Variants in NLGN1 observed in about 807,000 individuals in gnomAD.
The protein encoded by NLGN1 is neuroligin 1, also known as neuroligin-1.
In NLGN1, 12 loss-of-function variants were observed where a neutral mutation model predicts 65.5. That is an observed-to-expected ratio of 0.18 (90% CI 0.12 to 0.30). The LOEUF (loss-of-function observed/expected upper bound fraction) is 0.30, where lower values mean the gene tolerates loss of function less well. NLGN1 is among the 10% of genes least tolerant of loss of function. NLGN1 has a pLI of 1.00. For missense variants in NLGN1, 750 were observed against 1,007.1 expected (o/e 0.74, Z 3.46); for synonymous variants, 350 against 359.5 (o/e 0.97, Z 0.30).
At chr3:173,479,416 G>A (rs1726854422) in intron 2 of NLGN1, among the ~76,000 whole-genome samples, 1 of 152,190 alleles carries the variant, frequency 6.6e-6, no homozygotes, top group Admixed American at 6.5e-5. Context: ...GTCAGGAATA[G>A]AACTGGTTCC....
At chr3:173,561,008 A>G (rs1380951748) in intron 2 of NLGN1, among the ~76,000 whole-genome samples, 2 of 152,226 alleles carry the variant, frequency 1.3e-5, no homozygotes, top group Non-Finnish European at 2.9e-5. Flanking sequence ...CTATCATCAT[A>G]CAGCGGGGTT....
Position 173,667,047 on chromosome 3 carries a change from A to G in NLGN1, c.493+61956A>G, listed in dbSNP as rs1206640499. On this transcript the variant is annotated intron_variant, in intron 3 of 6. Coordinates refer to ENST00000457714, the Ensembl canonical transcript of NLGN1. ...CATAATCACATTGTACTTTACATATATTTCATTCTGCTTTTTAACATGATA... is the reference window on the plus strand; with the variant it reads ...CATAATCACATTGTACTTTACATATGTTTCATTCTGCTTTTTAACATGATA... 2.0e-5 allele frequency among the ~76,000 whole-genome samples: 3 copies of G among 152,200 alleles called. No individual in the cohort carries two copies. In the East Asian group the frequency reaches 5.8e-4, roughly 29 times the overall value.
In NLGN1 at chr3:173,653,317, T is replaced by G. The variant is rs573763215; in HGVS notation, c.493+48226T>G. 2.6e-5 allele frequency among the ~76,000 whole-genome samples: 4 copies of G among 152,360 alleles called. No individual in the cohort carries two copies. In the South Asian group the frequency reaches 8.3e-4, roughly 32 times the overall value. On this transcript the variant is annotated intron_variant, in intron 3 of 6. Transcript: ENST00000457714. ...TGTAATTGTAAAATCCTTGTCTTGT[T>G]CTAGTTTTAAAAGGAATGCTTTCAA... is the stretch of plus-strand genomic sequence containing the variant.
At chr3:173,459,920 C>T (rs1170938300) in intron 2 of NLGN1, among the ~76,000 whole-genome samples, 1 of 151,750 alleles carries the variant, frequency 6.6e-6, no homozygotes, top group East Asian at 1.9e-4. Context: ...AATTTTTGAG[C>T]TTTTATTTAA....
At chr3:174,232,063 C>A (rs185866948) in intron 4 of NLGN1, among the ~76,000 whole-genome samples, 1 of 152,176 alleles carries the variant, frequency 6.6e-6, no homozygotes, top group East Asian at 1.9e-4. Flanking sequence ...ACCAAACAGG[C>A]TTTGTGTGAG....
intron 4 of NLGN1, among the ~76,000 whole-genome samples, chr3:173,907,318 G>A (rs1019268149): frequency 3.9e-5 from 6 of 152,100 alleles, no homozygotes; most frequent in African/African-American, 1.2e-4. Flanking sequence ...TCCTCTTACC[G>A]TGAGGCATCA....
chr3:173,978,629 A>C (rs571090962), intron 4 of NLGN1, among the ~76,000 whole-genome samples: 11 of 152,058 alleles, frequency 7.2e-5, no homozygotes, highest in African/African-American at 2.6e-4. Context: ...AAAGAATGTG[A>C]TGTCATTAAA....
intron 4 of NLGN1, among the ~76,000 whole-genome samples, chr3:174,027,880 G>A (rs753547779): frequency 1.5e-4 from 23 of 152,126 alleles, no homozygotes; most frequent in Non-Finnish European, 2.9e-4. Flanking sequence ...ACCTTGAATT[G>A]TGATAATCTC....
chr3:173,499,973 G>A, intron 2 of NLGN1, among the ~76,000 whole-genome samples: 1 of 151,916 alleles, frequency 6.6e-6, no homozygotes, highest in East Asian at 1.9e-4. Flanking sequence ...GGGTTTTCTA[G>A]ATATACAATC....
intron 4 of NLGN1, among the ~76,000 whole-genome samples, chr3:174,081,598 T>G (rs944037696): frequency 6.6e-5 from 2 of 30,506 alleles, no homozygotes; most frequent in Non-Finnish European, 9.5e-5. Context: ...GATTAGGTTG[T>G]TTTTTTTTTT....
chr3:174,255,561 T>C (rs907116045), intron 4 of NLGN1, among the ~76,000 whole-genome samples: 13 of 151,832 alleles, frequency 8.6e-5, no homozygotes, highest in Non-Finnish European at 1.5e-4. Flanking sequence ...CTAGAATATT[T>C]TGATCAATTT....
At chr3:173,515,564 A>G (rs6779841) in intron 2 of NLGN1, among the ~76,000 whole-genome samples, 17,019 of 151,980 alleles carry the variant, frequency 0.11, 1,936 homozygotes, top group African/African-American at 0.3. Context: ...TCATTGCTAA[A>G]ACCAACGTCA....
chr3:173,819,389 C>A (rs994335453), intron 4 of NLGN1, among the ~76,000 whole-genome samples: 1 of 152,154 alleles, frequency 6.6e-6, no homozygotes, highest in African/African-American at 2.4e-5. Flanking sequence ...CACTGACTCT[C>A]GGATCCATTC....
chr3:173,593,800 T>C (rs757846452), intron 2 of NLGN1, among the ~76,000 whole-genome samples: 2 of 152,188 alleles, frequency 1.3e-5, no homozygotes, highest in Non-Finnish European at 2.9e-5. Context: ...GAGTTCCACA[T>C]GGCTAGGAAG....
intron 4 of NLGN1, among the ~76,000 whole-genome samples, chr3:174,018,777 T>A (rs913169704): frequency 6.6e-6 from 1 of 152,180 alleles, no homozygotes; most frequent in Admixed American, 6.6e-5. Context: ...GCCAGAAAGT[T>A]CAGGAGTTGA....
chr3:174,247,693 A>T (rs962093555), intron 4 of NLGN1, among the ~76,000 whole-genome samples: 1 of 152,192 alleles, frequency 6.6e-6, no homozygotes, highest in African/African-American at 2.4e-5. Flanking sequence ...TAGAGATGAG[A>T]TAAAGAGCCC....
At chr3:173,614,309 C>T (rs1577543437) in intron 3 of NLGN1, among the ~76,000 whole-genome samples, 1 of 152,008 alleles carries the variant, frequency 6.6e-6, no homozygotes, top group Admixed American at 6.6e-5. Flanking sequence ...ACTATAGCTA[C>T]TCTCAGTAAA....
Position 173,840,293 on chromosome 3 carries a change from T to C in NLGN1, c.646+32461T>C, listed in dbSNP as rs1724535435. 2.0e-5 allele frequency among the ~76,000 whole-genome samples: 3 copies of C among 152,206 alleles called. No individual in the cohort carries two copies. In the South Asian group the frequency reaches 6.2e-4, roughly 32 times the overall value. On this transcript the variant is annotated intron_variant, in intron 4 of 6. Transcript: ENST00000457714. ...TAATAACTTACAACAAGCAGTTCTA[T>C]GGACTACCATAAAATTATCATATTT...
chr3:174,110,380 T>C (rs1034705351), intron 4 of NLGN1, among the ~76,000 whole-genome samples: 1 of 152,008 alleles, frequency 6.6e-6, no homozygotes, highest in Non-Finnish European at 1.5e-5. Flanking sequence ...AAGGGGATGT[T>C]CGTTGTATTT....
Sources: allele counts gnomAD v4.1 joint callset (sites outside exome capture counted in the v4.1 genomes callset), GRCh38; gene constraint gnomAD v4.1.1; transcripts MANE v1.5; gene names NCBI Gene and HGNC (gene_info 2026-07-23, HGNC 2026-07-21).